The following GPR149 variants were observed in gnomAD, a reference collection of about 807,000 sequenced individuals.
GPR149 encodes the protein probable G protein-coupled receptor 149.
GPR149 carries 50 observed loss-of-function variants against 50.2 expected under a neutral mutation model. That is an observed-to-expected ratio of 1.00 (90% CI 0.79 to 1.26). The LOEUF (loss-of-function observed/expected upper bound fraction) is 1.26, where lower values mean the gene tolerates loss of function less well. Ranked by LOEUF, GPR149 falls within the 50% of genes most tolerant of loss-of-function variation. GPR149 has a pLI of 0.00. For synonymous variants in GPR149, 405 were observed against 358.2 expected (o/e 1.13, Z -1.48); for missense variants, 983 against 895.4 (o/e 1.10, Z -1.25).
intron 3 of GPR149, among the ~76,000 whole-genome samples, chr3:154,420,358 G>C (rs1388086131): frequency 6.6e-6 from 1 of 151,930 alleles, no homozygotes; most frequent in Non-Finnish European, 1.5e-5. Flanking sequence ...GAATAAGAAG[G>C]ATCCCTCACC....
intron 2 of GPR149, among the ~76,000 whole-genome samples, chr3:154,425,413 C>T (rs1712264326): frequency 6.6e-6 from 1 of 152,068 alleles, no homozygotes; most frequent in Non-Finnish European, 1.5e-5. Flanking sequence ...GATCAACCAC[C>T]TGGCCCACCT....
intron 3 of GPR149, chr3:154,352,531 C>A (rs763987929): frequency 1.3e-6 from 1 of 774,814 alleles, no homozygotes; most frequent in South Asian, 1.3e-5. Context: ...CTATTAAGTT[C>A]TTTCCAGGCA....
chr3:154,367,526 A>G (rs1056143440), intron 3 of GPR149, among the ~76,000 whole-genome samples: 1 of 152,120 alleles, frequency 6.6e-6, no homozygotes, highest in East Asian at 1.9e-4. Context: ...TCTCCTCAAG[A>G]TCTGAGACAT....
chr3:154,341,841 A>T (rs76673733), intron 3 of GPR149, among the ~76,000 whole-genome samples: 2,243 of 152,276 alleles, frequency 0.015, 48 homozygotes, highest in African/African-American at 0.051. Flanking sequence ...CAGGGTGTTC[A>T]TTGCAAGATT....
At chr3:154,356,538 C>A (rs1208668777) in intron 3 of GPR149, among the ~76,000 whole-genome samples, 1 of 152,152 alleles carries the variant, frequency 6.6e-6, no homozygotes, top group East Asian at 1.9e-4. Context: ...ACACCAATAA[C>A]AGACAAACAG....
At chr3:154,422,755 T>C (rs936144141) in intron 2 of GPR149, among the ~76,000 whole-genome samples, 1 of 151,794 alleles carries the variant, frequency 6.6e-6, no homozygotes, top group Non-Finnish European at 1.5e-5. Context: ...TAGAAACAGA[T>C]GTTCATATTT....
chr3:154,424,589 AAGAT>A (rs1712242330), intron 2 of GPR149, among the ~76,000 whole-genome samples: 1 of 152,012 alleles, frequency 6.6e-6, no homozygotes, highest in South Asian at 2.1e-4. Flanking sequence ...GTGTCTGTGA[AAGAT>A]AGAGATCTTT....
At chr3:154,382,168 G>A (rs185953352) in intron 3 of GPR149, among the ~76,000 whole-genome samples, 11 of 152,306 alleles carry the variant, frequency 7.2e-5, no homozygotes, top group Non-Finnish European at 1.5e-4. Context: ...AAGAGCACAG[G>A]CTGTTGGTTC....
At chr3:154,376,915 T>C (rs1714804920) in intron 3 of GPR149, among the ~76,000 whole-genome samples, 2 of 152,168 alleles carry the variant, frequency 1.3e-5, no homozygotes, top group African/African-American at 2.4e-5. Context: ...TAATGACCAC[T>C]TCATAGAATT....
intron 3 of GPR149, among the ~76,000 whole-genome samples, chr3:154,345,668 T>C (rs201583153): frequency 2.0e-5 from 3 of 152,290 alleles, no homozygotes; most frequent in East Asian, 3.9e-4. Context: ...CTTCGGCACA[T>C]TGAATGTTTT....
At chr3:154,387,454 T>C (rs867607795) in intron 3 of GPR149, among the ~76,000 whole-genome samples, 1 of 152,214 alleles carries the variant, frequency 6.6e-6, no homozygotes, top group Admixed American at 6.5e-5. Context: ...ATATAGGCCA[T>C]GTCAGAAGCA....
intron 3 of GPR149, chr3:154,352,374 G>A: frequency 8.9e-7 from 1 of 1,118,542 alleles, no homozygotes; most frequent in Non-Finnish European, 1.3e-6. Flanking sequence ...AGGTAATTTG[G>A]CTGGCACTGA....
At chr3:154,396,910 T>A (rs925676164) in intron 3 of GPR149, among the ~76,000 whole-genome samples, 19 of 151,526 alleles carry the variant, frequency 1.3e-4, no homozygotes, top group South Asian at 4.2e-4. Flanking sequence ...ATATATATAT[T>A]TTTTGTCATT....
chr3:154,341,338 T>TATATATATAA (rs1713796059), intron 3 of GPR149, among the ~76,000 whole-genome samples: 1 of 122,004 alleles, frequency 8.2e-6, no homozygotes, highest in Non-Finnish European at 1.7e-5. Flanking sequence ...TATATATATA[T>TATATATATAA]ATAAAATGAG....
intron 3 of GPR149, among the ~76,000 whole-genome samples, chr3:154,343,146 T>A (rs1004772390): frequency 6.6e-6 from 1 of 152,210 alleles, no homozygotes; most frequent in Non-Finnish European, 1.5e-5. Context: ...TACAGTATGA[T>A]CTAGTTTTCT....
chr3:154,406,743 G>T (rs6762590), intron 3 of GPR149, among the ~76,000 whole-genome samples: 145,843 of 152,266 alleles, frequency 0.96, 69,948 homozygotes, highest in East Asian at 1. Context: ...AACTATATGA[G>T]TGGTTACTTA....
Position 154,429,498 on chromosome 3 carries a change from T to C in GPR149, c.118A>G (p.Thr40Ala), listed in dbSNP as rs762089359. The change falls in exon 1 of 4, where the codon ACA (threonine) becomes GCA (alanine). Residue 40 changes from threonine (T) to alanine (A), a missense_variant. Thr to Ala is a moderately conservative substitution (Grantham distance 58). Coordinates refer to ENST00000389740, the MANE Select transcript of GPR149 (RefSeq NM_001038705.3). ...AAGGCTGCAAAAGTCATGAGACATG[T>C]CAAGCAAAAAAGATAGATATTCAGG... ...GTLNIYLFCL[T>A]CLMTFAALVG... 11 of 1,613,888 alleles carry C rather than the reference T, an allele frequency of 6.8e-6. No homozygotes were observed. Among genetic ancestry groups the C allele is most frequent in the African/African-American group, 1.3e-5 (1 of 74,892 alleles).
At chr3:154,409,663 C>T (rs1711783355) in intron 3 of GPR149, among the ~76,000 whole-genome samples, 1 of 151,834 alleles carries the variant, frequency 6.6e-6, no homozygotes, top group African/African-American at 2.4e-5. Flanking sequence ...TTGAATTAAC[C>T]AAATCCATCA....
At chr3:154,400,833 T>G (rs973375450) in intron 3 of GPR149, among the ~76,000 whole-genome samples, 1 of 152,232 alleles carries the variant, frequency 6.6e-6, no homozygotes, top group South Asian at 2.1e-4. Flanking sequence ...CCTGCAACAT[T>G]TCATAAGAGA....
Sources: allele counts gnomAD v4.1 joint callset (sites outside exome capture counted in the v4.1 genomes callset), GRCh38; gene constraint gnomAD v4.1.1; transcripts MANE v1.5; gene names NCBI Gene and HGNC (gene_info 2026-07-23, HGNC 2026-07-21).